Variants in CSMD1 observed in about 807,000 individuals in gnomAD.
CSMD1 encodes the protein CUB and sushi domain-containing protein 1.
Under a neutral mutation model 417.5 loss-of-function variants are expected in CSMD1, and 213 were observed. The ratio of observed to expected loss-of-function variants is 0.51; its 90% CI spans 0.46 to 0.57. The LOEUF (loss-of-function observed/expected upper bound fraction) is 0.57. Among genes scored for constraint, CSMD1 ranks in the 20% least tolerant of loss-of-function variants. The pLI, the probability that CSMD1 is intolerant of heterozygous loss-of-function variation, is 0.00. For synonymous variants in CSMD1, 2,862 were observed against 1,736.8 expected (o/e 1.65, Z -16.11); for missense variants, 6,923 against 4,529.7 (o/e 1.53, Z -15.17).
At chr8:3,160,598 G>C (rs1377961830) in intron 38 of CSMD1, among the ~76,000 whole-genome samples, 1 of 152,182 alleles carries the variant, frequency 6.6e-6, no homozygotes, top group Non-Finnish European at 1.5e-5. Context: ...TCTTTTTGCA[G>C]AGTTACAATT....
intron 1 of CSMD1, among the ~76,000 whole-genome samples, chr8:4,792,039 G>A (rs971230548): frequency 6.6e-6 from 1 of 151,996 alleles, no homozygotes; most frequent in Non-Finnish European, 1.5e-5. Context: ...GAAAAGTGGT[G>A]ACATTCTTAC....
At chr8:3,620,719 C>T (rs1400004517) in intron 7 of CSMD1, among the ~76,000 whole-genome samples, 1 of 152,070 alleles carries the variant, frequency 6.6e-6, no homozygotes. Flanking sequence ...ATCAACTAAA[C>T]ATAGAGGATA....
In CSMD1 at chr8:3,689,758, G is replaced by A. The variant is rs569537369; in HGVS notation, c.1009+18656C>T. Among the ~76,000 whole-genome samples, 7 of 152,260 alleles carry A rather than the reference G, an allele frequency of 4.6e-5. No homozygotes were observed. In the South Asian group the frequency reaches 1.5e-3, roughly 32 times the overall value. ...GAAAACATGATCACTAAATAAAGCA[G>A]AGGCCCAGAGTTATAAAGTGATTTT... On this transcript the variant is annotated intron_variant, in intron 7 of 69. Transcript: ENST00000635120.
At position 4,925,215 on chromosome 8, in the gene CSMD1, G is replaced by GGTT. The variant is rs762807942; in HGVS notation, c.85+69116_85+69117insAAC. On this transcript the variant is annotated intron_variant, in intron 1 of 69. Transcript: ENST00000635120. ...AAACATGGTGAATACCAGTTTTATG[G>GGTT]TTTTTTTTTTTTTTTTTTTTTTTTT... Among the ~76,000 whole-genome samples, 6 of 72,736 alleles carry GGTT rather than the reference G, an allele frequency of 8.2e-5. No individual in the cohort carries two copies. The East Asian group carries it at 1.5e-3, about 18-fold the overall frequency. The allele number at this position is 72,736 out of a possible 152,430, so 47.7% of individuals were successfully genotyped here.
At chr8:4,321,973 C>T (rs1169387649) in intron 3 of CSMD1, among the ~76,000 whole-genome samples, 1 of 151,970 alleles carries the variant, frequency 6.6e-6, no homozygotes, top group Non-Finnish European at 1.5e-5. Context: ...TTACCAGGGT[C>T]ATAGACATTG....
chr8:3,720,823 C>G (rs1483531341), intron 6 of CSMD1, among the ~76,000 whole-genome samples: 1 of 150,994 alleles, frequency 6.6e-6, no homozygotes, highest in Non-Finnish European at 1.5e-5. Context: ...ACGTTTGAGA[C>G]TTTTTTTTTC....
intron 3 of CSMD1, among the ~76,000 whole-genome samples, chr8:4,139,982 G>A (rs1369076196): frequency 6.6e-6 from 1 of 150,658 alleles, no homozygotes; most frequent in African/African-American, 2.5e-5. Context: ...ATGTGGGCAG[G>A]GGTTGCAGGT....
intron 15 of CSMD1, among the ~76,000 whole-genome samples, chr8:3,403,163 G>C (rs1046544576): frequency 1.3e-5 from 2 of 152,114 alleles, no homozygotes; most frequent in African/African-American, 4.8e-5. Flanking sequence ...TCACTTTGTG[G>C]TCAGTTATAT....
At chr8:3,550,213 T>C (rs899425159) in intron 10 of CSMD1, among the ~76,000 whole-genome samples, 1 of 152,126 alleles carries the variant, frequency 6.6e-6, no homozygotes, top group East Asian at 1.9e-4. Context: ...CAGCAGGCAT[T>C]CCAATGTCTC....
At chr8:4,633,701 T>C (rs1361429195) in intron 2 of CSMD1, among the ~76,000 whole-genome samples, 5 of 152,092 alleles carry the variant, frequency 3.3e-5, no homozygotes, top group African/African-American at 9.7e-5. Context: ...GACTTACAGA[T>C]GCCTGCCACC....
intron 5 of CSMD1, among the ~76,000 whole-genome samples, chr8:3,902,891 T>C (rs770949814): frequency 3.9e-5 from 6 of 152,206 alleles, no homozygotes; most frequent in Admixed American, 6.5e-5. Context: ...CTAACAGCCA[T>C]TGATCATCCT....
intron 4 of CSMD1, among the ~76,000 whole-genome samples, chr8:3,999,612 T>C (rs914853049): frequency 2.6e-5 from 4 of 152,304 alleles, no homozygotes; most frequent in South Asian, 2.1e-4. Flanking sequence ...CACACGGTTT[T>C]TGTTCCCGGA....
chr8:4,422,290 G>A (rs1221591881), intron 2 of CSMD1, among the ~76,000 whole-genome samples: 1 of 151,980 alleles, frequency 6.6e-6, no homozygotes, highest in Non-Finnish European at 1.5e-5. Flanking sequence ...TAATTTTGTG[G>A]CATTGACACT....
chr8:4,623,772 AT>A (rs1801923961), intron 2 of CSMD1, among the ~76,000 whole-genome samples: 1 of 152,042 alleles, frequency 6.6e-6, no homozygotes, highest in African/African-American at 2.4e-5. Flanking sequence ...TTTGGCATAT[AT>A]AATATTTCAA....
intron 50 of CSMD1, among the ~76,000 whole-genome samples, chr8:3,050,682 A>C (rs1811762861): frequency 6.6e-6 from 1 of 152,206 alleles, no homozygotes; most frequent in South Asian, 2.1e-4. Context: ...ATGTTGATTC[A>C]ATATTGTCTG....
chr8:4,317,431 G>C (rs924467120), intron 3 of CSMD1, among the ~76,000 whole-genome samples: 1 of 152,002 alleles, frequency 6.6e-6, no homozygotes, highest in African/African-American at 2.4e-5. Context: ...GTGTATCTCT[G>C]TTGTCATATA....
At chr8:3,647,935 G>C (rs1019483656) in intron 7 of CSMD1, among the ~76,000 whole-genome samples, 1 of 152,226 alleles carries the variant, frequency 6.6e-6, no homozygotes, top group Non-Finnish European at 1.5e-5. Flanking sequence ...GTTTGTAAGA[G>C]ACATGTGCCA....
chr8:4,405,203 C>T (rs1039668838), intron 3 of CSMD1, among the ~76,000 whole-genome samples: 1 of 152,158 alleles, frequency 6.6e-6, no homozygotes, highest in Non-Finnish European at 1.5e-5. Context: ...GTATTTTACT[C>T]AAAGGAGACT....
chr8:4,788,025 C>T, intron 1 of CSMD1: 2 of 1,589,168 alleles, frequency 1.3e-6, no homozygotes, highest in South Asian at 1.1e-5. Context: ...AGAAGTAACT[C>T]CTGAAGGGCT....
Sources: gnomAD v4.1 joint callset for allele counts (sites outside exome capture counted in the v4.1 genomes callset) on GRCh38, gnomAD v4.1.1 for gene constraint, MANE v1.5 for transcripts, NCBI Gene and HGNC (gene_info 2026-07-23, HGNC 2026-07-21) for gene names.